C3orf20: variants seen among roughly 807,000 people sequenced by gnomAD.
C3orf20 encodes the protein family with sequence similarity 149 member C.
C3orf20 carries 76 observed loss-of-function variants against 88.3 expected under a neutral mutation model. That is an observed-to-expected ratio of 0.86 (90% CI 0.72 to 1.04). The LOEUF (loss-of-function observed/expected upper bound fraction) is 1.04. C3orf20 is among the 50% of genes least tolerant of loss of function. The probability of loss-of-function intolerance (pLI) is 0.00; values close to 1 mark genes in which losing one functional copy is unlikely to be tolerated. For synonymous variants in C3orf20, 436 were observed against 437.4 expected (o/e 1.00, Z 0.04); for missense variants, 1,056 against 1,123.3 (o/e 0.94, Z 0.86).
At chr3:14,750,049 T>C (rs1429521309) in intron 12 of C3orf20, among the ~76,000 whole-genome samples, 2 of 152,188 alleles carry the variant, frequency 1.3e-5, no homozygotes, top group Non-Finnish European at 2.9e-5. Flanking sequence ...ACTTCTTTTA[T>C]GTTTACCTAT....
chr3:14,706,808 G>GT (rs1221894319), intron 7 of C3orf20, among the ~76,000 whole-genome samples: 1 of 151,956 alleles, frequency 6.6e-6, no homozygotes, highest in East Asian at 1.9e-4. Context: ...TGTTCAAATG[G>GT]TCAGAACACA....
chr3:14,771,577 G>C (rs962122575), intron 15 of C3orf20, among the ~76,000 whole-genome samples: 7 of 152,370 alleles, frequency 4.6e-5, no homozygotes, highest in African/African-American at 1.7e-4. Flanking sequence ...AGGAACACCA[G>C]TTATGTTGGA....
chr3:14,727,451 G>T (rs1330602303), intron 11 of C3orf20, among the ~76,000 whole-genome samples: 1 of 152,040 alleles, frequency 6.6e-6, no homozygotes, highest in Admixed American at 6.5e-5. Flanking sequence ...AGAGAAAAAT[G>T]CAATCACCTC....
At position 14,772,829 on chromosome 3, in the gene C3orf20, G is replaced by C; in HGVS notation, c.2669G>C (p.Arg890Thr). ...EPEVELHPLS[R>T]DSKITSWKKQ... is the part of the protein sequence containing the mutation. ...GAAGTGGAGCTACATCCTCTCAGCA[G>C]GGACAGCAAGATAACTAGTTGGAAG... Residue 890 changes from arginine to threonine, a missense_variant, in exon 17 of 17, where the codon AGG becomes ACG. Arg to Thr is a moderately conservative substitution (Grantham distance 71). Coordinates refer to ENST00000253697, the MANE Select transcript of C3orf20 (RefSeq NM_032137.5). This position sits in a 1 kb window ranked among gnomAD's most constrained non-coding sequence, Gnocchi z 4.2. 6.2e-7 allele frequency: 1 copy of C among 1,614,094 alleles called. No homozygotes were observed. The highest frequency in any genetic ancestry group is 1.1e-5 in the South Asian group (1 of 91,082).
intron 14 of C3orf20, among the ~76,000 whole-genome samples, chr3:14,760,745 G>C (rs138923745): frequency 0.01 from 1,583 of 151,742 alleles, 26 homozygotes; most frequent in African/African-American, 0.036. Context: ...AAGTAGCTGG[G>C]ACTACAGGTT....
chr3:14,682,951 C>T lies in C3orf20; in HGVS notation c.238C>T (p.Leu80Phe), dbSNP rs1343948910. ...CAGCTTTGGAGCCCCCCTGGTGGTG[C>T]TCATGGAACCCACCTTTGTGCAGGT... is the stretch of plus-strand genomic sequence containing the variant. Reference protein sequence around the residue: ...EVSFGAPLVVLMEPTFVQVPT... With the variant: ...EVSFGAPLVVFMEPTFVQVPT... Residue 80 changes from leucine to phenylalanine, a missense_variant, in exon 3 of 17, where the codon CTC becomes TTC. Transcript: ENST00000253697. 14 of 1,614,042 alleles carry T rather than the reference C, an allele frequency of 8.7e-6. No homozygotes were observed. The highest frequency in any genetic ancestry group is 3.3e-5 in the Admixed American group (2 of 60,006).
intron 12 of C3orf20, among the ~76,000 whole-genome samples, chr3:14,742,301 A>G (rs1368812063): frequency 1.3e-5 from 2 of 152,192 alleles, no homozygotes; most frequent in African/African-American, 4.8e-5. Flanking sequence ...GGCGTCACTG[A>G]CTCAGATGGG....
chr3:14,727,698 C>G (rs1006295786), intron 11 of C3orf20, among the ~76,000 whole-genome samples: 7 of 152,332 alleles, frequency 4.6e-5, no homozygotes, highest in African/African-American at 1.4e-4. Flanking sequence ...CTCTGGGAAG[C>G]CTTCCTTGAC....
At chr3:14,766,344 C>T (rs550122591) in intron 15 of C3orf20, among the ~76,000 whole-genome samples, 3 of 152,198 alleles carry the variant, frequency 2.0e-5, no homozygotes, top group Non-Finnish European at 2.9e-5. Flanking sequence ...TCCTCACTCC[C>T]GAAAGCTTCC....
At chr3:14,706,487 G>T (rs1168392310) in intron 7 of C3orf20, among the ~76,000 whole-genome samples, 6 of 151,728 alleles carry the variant, frequency 4.0e-5, no homozygotes, top group Admixed American at 6.6e-5. Flanking sequence ...CAGCACCCTA[G>T]CCTGCAGGAA....
chr3:14,704,801 G>C (rs1022204465), intron 7 of C3orf20, among the ~76,000 whole-genome samples, 183 bp downstream of exon 7: 1 of 152,172 alleles, frequency 6.6e-6, no homozygotes, highest in East Asian at 1.9e-4. Flanking sequence ...GAGGTAATAA[G>C]TTTCAAGCCT....
chr3:14,681,117 G>T (rs2032065433), intron 1 of C3orf20, among the ~76,000 whole-genome samples: 1 of 152,216 alleles, frequency 6.6e-6, no homozygotes, highest in South Asian at 2.1e-4. Flanking sequence ...GTGGTGTTTG[G>T]AAAGGCCTCT....
At chr3:14,767,321 G>C (rs776406234) in intron 15 of C3orf20, 1 of 152,440 alleles carries the variant, frequency 6.6e-6, no homozygotes, top group African/African-American at 2.4e-5. Flanking sequence ...GAGTCTGGTG[G>C]GTGAGCTTCC....
intron 14 of C3orf20, among the ~76,000 whole-genome samples, chr3:14,760,490 T>C (rs75874157): frequency 0.013 from 2,024 of 152,324 alleles, 42 homozygotes; most frequent in African/African-American, 0.045. Flanking sequence ...TGCAGTCCTT[T>C]TCTGCATATA....
chr3:14,722,641 G>A (rs2034207746), intron 10 of C3orf20: 1 of 452,434 alleles, frequency 2.2e-6, no homozygotes, highest in Non-Finnish European at 4.5e-6. Context: ...TTCGTTTCAA[G>A]TCTATCGTCT....
chr3:14,756,622 G>A (rs2035380957), intron 12 of C3orf20, among the ~76,000 whole-genome samples: 1 of 152,188 alleles, frequency 6.6e-6, no homozygotes, highest in African/African-American at 2.4e-5. Flanking sequence ...ACAGAGCCTT[G>A]TGAGAGTGAC....
chr3:14,704,539 C>G lies in C3orf20; in HGVS notation c.1081C>G (p.Gln361Glu). The G allele has an allele frequency of 1.2e-6, 2 of 1,614,154 alleles. No homozygotes were observed. The highest frequency in any genetic ancestry group is 1.7e-6 in the Non-Finnish European group (2 of 1,180,026). The part of the protein sequence containing the change: ...HPSSANHHFS[Q>E]HCQEGKAPKK... The stretch of plus-strand genomic sequence containing the variant: ...ATCTTCTGCCAACCATCATTTCAGT[C>G]AGCATTGTCAAGAGGGGAAGGCACC... The change falls in exon 7 of 17, where the codon CAG becomes GAG. Residue 361 changes from glutamine (Q) to glutamate (E), a missense_variant. Transcript: ENST00000253697.
rs140233305 is a variant in C3orf20, at chr3:14,684,941, T to C, written c.625+559T>C. 1.0e-3 allele frequency among the ~76,000 whole-genome samples: 159 copies of C among 152,298 alleles called. 1 individual carries two copies. In the East Asian group the frequency reaches 0.028, roughly 27 times the overall value. ...GCTTATGCCTGTAATCCCAGCACTT[T>C]GGGAGGCCAAGGCAGTAGGATCCCT... On this transcript the variant is annotated intron_variant, in intron 4 of 16. Coordinates refer to ENST00000253697, the MANE Select transcript of C3orf20 (RefSeq NM_032137.5).
At chr3:14,685,975 C>T (rs2124894857) in intron 4 of C3orf20, among the ~76,000 whole-genome samples, 1 of 151,084 alleles carries the variant, frequency 6.6e-6, no homozygotes, top group South Asian at 2.1e-4. Flanking sequence ...CATTCTCCTG[C>T]CTCAGCCTCC....
Sources: allele counts gnomAD v4.1 joint callset (sites outside exome capture counted in the v4.1 genomes callset), GRCh38; gene constraint gnomAD v4.1.1; non-coding constraint Gnocchi (gnomAD v3.1); transcripts MANE v1.5; gene names NCBI Gene and HGNC (gene_info 2026-07-23, HGNC 2026-07-21).